The following PCDH15 variants were observed in gnomAD, a reference collection of about 807,000 sequenced individuals.
The protein encoded by PCDH15 is protocadherin related 15, also known as protocadherin-15.
Under a neutral mutation model 178.5 loss-of-function variants are expected in PCDH15, and 129 were observed. That is an observed-to-expected ratio of 0.72 (90% CI 0.63 to 0.84). The LOEUF is 0.84. PCDH15 is among the 40% of genes least tolerant of loss of function. The pLI is 0.00. For missense variants in PCDH15, 2,230 were observed against 2,099.9 expected (o/e 1.06, Z -1.21); for synonymous variants, 800 against 732.0 (o/e 1.09, Z -1.50).
At chr10:55,429,125 T>C (rs1838824333) in intron 2 of PCDH15, among the ~76,000 whole-genome samples, 1 of 152,118 alleles carries the variant, frequency 6.6e-6, no homozygotes, top group Non-Finnish European at 1.5e-5. Flanking sequence ...GGCATTTTTA[T>C]AATGTGAAAA....
At chr10:54,444,871 C>T (rs1259332159) in intron 3 of PCDH15, among the ~76,000 whole-genome samples, 2 of 151,586 alleles carry the variant, frequency 1.3e-5, no homozygotes, top group Admixed American at 6.6e-5. Context: ...TTTATCACAA[C>T]AATCGTCCAT....
intron 3 of PCDH15, among the ~76,000 whole-genome samples, chr10:54,806,937 T>C (rs533772111): frequency 6.6e-6 from 1 of 152,180 alleles, no homozygotes; most frequent in Non-Finnish European, 1.5e-5. Context: ...CTATGTATAC[T>C]AGCAAGATAA....
intron 2 of PCDH15, among the ~76,000 whole-genome samples, chr10:55,573,719 C>T (rs11817318): frequency 0.31 from 47,176 of 151,666 alleles, 7,482 homozygotes; most frequent in African/African-American, 0.38. Context: ...CACACTAAGC[C>T]AATAAGGTAT....
chr10:54,443,156 C>T (rs2075937116), intron 3 of PCDH15, among the ~76,000 whole-genome samples: 1 of 151,640 alleles, frequency 6.6e-6, no homozygotes, highest in East Asian at 1.9e-4. Context: ...TGTTTCCAGC[C>T]TTTATGAAAA....
chr10:55,280,272 T>TG (rs1318632332), intron 1 of PCDH15, among the ~76,000 whole-genome samples: 1 of 130,232 alleles, frequency 7.7e-6, no homozygotes, highest in Non-Finnish European at 1.6e-5. Flanking sequence ...TTTGATTCTT[T>TG]TTTTTTTTTT....
chr10:54,054,200 G>A (rs1054397434), intron 18 of PCDH15, among the ~76,000 whole-genome samples: 2 of 152,134 alleles, frequency 1.3e-5, no homozygotes, highest in Non-Finnish European at 2.9e-5. Context: ...GCTTAAAGGA[G>A]TAGAAGGAAA....
chr10:55,482,320 T>A (rs1282253966), intron 2 of PCDH15, among the ~76,000 whole-genome samples: 2 of 151,802 alleles, frequency 1.3e-5, no homozygotes, highest in African/African-American at 4.8e-5. Context: ...ATTTAGCCCA[T>A]CCAGGTTAGT....
At chr10:54,169,737 C>T (rs1461909511) in intron 13 of PCDH15, among the ~76,000 whole-genome samples, 13 of 152,000 alleles carry the variant, frequency 8.6e-5, no homozygotes, top group South Asian at 2.1e-4. Context: ...CCCCACTCAA[C>T]GCCGACATCC....
intron 1 of PCDH15, among the ~76,000 whole-genome samples, chr10:55,298,284 C>T (rs1448107512): frequency 6.6e-6 from 1 of 152,124 alleles, no homozygotes; most frequent in Non-Finnish European, 1.5e-5. Context: ...TTGATCATTC[C>T]ATGCAATTAT....
intron 2 of PCDH15, among the ~76,000 whole-genome samples, chr10:55,559,569 AG>A (rs1197041879): frequency 2.2e-4 from 33 of 152,124 alleles, no homozygotes; most frequent in Admixed American, 1.3e-3. Context: ...AAGTAAAGAT[AG>A]TTAATAGGTT....
chr10:55,456,721 A>G (rs868836233), intron 2 of PCDH15, among the ~76,000 whole-genome samples: 38 of 152,210 alleles, frequency 2.5e-4, no homozygotes, highest in African/African-American at 8.2e-4. Context: ...AAATTTAGGT[A>G]TGCCAATGAG....
At chr10:53,827,877 ATC>A (rs1011259994) in intron 31 of PCDH15, among the ~76,000 whole-genome samples, 1 of 152,172 alleles carries the variant, frequency 6.6e-6, no homozygotes, top group Non-Finnish European at 1.5e-5. Flanking sequence ...AGTTTAATGA[ATC>A]TCTTTCATAA....
intron 2 of PCDH15, among the ~76,000 whole-genome samples, chr10:55,399,139 A>C (rs184975173): frequency 4.3e-4 from 65 of 152,294 alleles, no homozygotes; most frequent in African/African-American, 1.6e-3. Flanking sequence ...TTGTTCAAAA[A>C]TATCATTCTA....
At chr10:54,442,384 T>G (rs1159447368) in intron 3 of PCDH15, among the ~76,000 whole-genome samples, 1 of 83,198 alleles carries the variant, frequency 1.2e-5, no homozygotes, top group Non-Finnish European at 2.7e-5. Flanking sequence ...CAGTCTCCTT[T>G]TTTTTTAAAA....
At chr10:54,536,997 C>CTTTTTTTTTTTTTT (rs747880795) in intron 2 of PCDH15, among the ~76,000 whole-genome samples, 3 of 92,118 alleles carry the variant, frequency 3.3e-5, no homozygotes, top group Non-Finnish European at 6.1e-5. Flanking sequence ...AATTTGTTTC[C>CTTTTTTTTTTTTTT]TTTTTTTTTT....
chr10:54,670,879 T>C (rs563021984), intron 1 of PCDH15, among the ~76,000 whole-genome samples: 2 of 152,278 alleles, frequency 1.3e-5, no homozygotes, highest in Admixed American at 6.5e-5. Flanking sequence ...TTCATATTTT[T>C]TTACCTAATA....
intron 15 of PCDH15, among the ~76,000 whole-genome samples, 194 bp downstream of exon 15, chr10:54,132,681 T>C (rs2042537403): frequency 1.3e-5 from 2 of 152,200 alleles, no homozygotes; most frequent in African/African-American, 4.8e-5. Flanking sequence ...TGGCGATCAA[T>C]AGAATAGATT....
At chr10:55,541,835 T>C (rs968137767) in intron 2 of PCDH15, among the ~76,000 whole-genome samples, 8 of 151,902 alleles carry the variant, frequency 5.3e-5, no homozygotes, top group Non-Finnish European at 8.8e-5. Flanking sequence ...CACCAGAATC[T>C]AGGATTATAT....
chr10:54,449,920 C>T (rs953062404), intron 3 of PCDH15, among the ~76,000 whole-genome samples: 2 of 151,504 alleles, frequency 1.3e-5, no homozygotes, highest in Admixed American at 6.6e-5. Context: ...AAGCAAATTA[C>T]TTATTTCGCC....
Sources: gnomAD v4.1 joint callset for allele counts (sites outside exome capture counted in the v4.1 genomes callset) on GRCh38, gnomAD v4.1.1 for gene constraint, MANE v1.5 for transcripts, NCBI Gene and HGNC (gene_info 2026-07-23, HGNC 2026-07-21) for gene names.